Variants in PLSCR1 observed in about 807,000 individuals in gnomAD.
The protein encoded by PLSCR1 is PL scramblase 1.
PLSCR1 carries 17 observed loss-of-function variants against 37.8 expected under a neutral mutation model. The ratio of observed to expected loss-of-function variants is 0.45; its 90% CI spans 0.31 to 0.68. The LOEUF is 0.68. Among genes scored for constraint, PLSCR1 ranks in the 30% least tolerant of loss-of-function variants. The pLI is 0.06. For missense variants in PLSCR1, 347 were observed against 380.9 expected (o/e 0.91, Z 0.74); for synonymous variants, 116 against 125.9 (o/e 0.92, Z 0.53).
rs186201379 is a variant in PLSCR1 at position 146,515,859 on chromosome 3, A to G, written c.*186T>C. On this transcript the variant is annotated 3_prime_UTR_variant, in exon 9 of 9. Transcript: ENST00000342435. ...ATATGTCCTTTTTCTCAAATTGACA[A>G]TGAGTATTAAAAAATGTACAAAAAC... The G allele has an allele frequency of 7.6e-4, 319 of 418,088 alleles. No individual in the cohort carries two copies. The highest frequency in any genetic ancestry group is 6.5e-4 in the Non-Finnish European group (154 of 235,250). 25.9% of individuals were successfully genotyped at this position (418,088 alleles called of 1,614,324 possible).
At chr3:146,537,171 A>G (rs974444046) in intron 1 of PLSCR1, among the ~76,000 whole-genome samples, 26 of 151,946 alleles carry the variant, frequency 1.7e-4, no homozygotes, top group Non-Finnish European at 2.9e-4. Context: ...TCACAGCCAT[A>G]GCACCTTGAC....
At chr3:146,516,943 G>T in intron 8 of PLSCR1, 63 bp downstream of exon 8, 1 of 1,011,898 alleles carries the variant, frequency 9.9e-7, no homozygotes. Context: ...ACACTTTACT[G>T]AATCATTTCA....
intron 3 of PLSCR1, 110 bp from the exon 4 acceptor site, chr3:146,528,941 G>T: frequency 2.8e-6 from 2 of 718,800 alleles, no homozygotes; most frequent in South Asian, 1.9e-5. Flanking sequence ...GTAGACATCT[G>T]TATCTGTGAT....
At chr3:146,518,348 G>A (rs1225246708) in intron 7 of PLSCR1, among the ~76,000 whole-genome samples, 4 of 107,486 alleles carry the variant, frequency 3.7e-5, no homozygotes, top group Non-Finnish European at 6.5e-5. Flanking sequence ...GTTAACATGC[G>A]CCTAAGTCAG....
chr3:146,541,933 ATGGGATGAT>A (rs1242762403), intron 1 of PLSCR1, among the ~76,000 whole-genome samples: 1 of 152,128 alleles, frequency 6.6e-6, no homozygotes, highest in Non-Finnish European at 1.5e-5. Context: ...ACTTTCCACC[ATGGGATGAT>A]GCAGTAAGAA....
At chr3:146,519,737 G>A (rs1414208841) in intron 7 of PLSCR1, among the ~76,000 whole-genome samples, 3 of 152,042 alleles carry the variant, frequency 2.0e-5, no homozygotes, top group Non-Finnish European at 4.4e-5. Context: ...ATGTGTATTA[G>A]TATTTGATAC....
At chr3:146,517,280 A>G in intron 7 of PLSCR1, 113 bp from the exon 8 acceptor site, 1 of 510,064 alleles carries the variant, frequency 2.0e-6, no homozygotes, top group Non-Finnish European at 3.3e-6. Context: ...ACCATATGTA[A>G]CCCTCATTAG....
chr3:146,540,940 G>C (rs2044330498), intron 1 of PLSCR1: 1 of 152,080 alleles, frequency 6.6e-6, no homozygotes, highest in Non-Finnish European at 1.5e-5. Flanking sequence ...AAAATGTTTA[G>C]TTAACATCTA....
intron 3 of PLSCR1, among the ~76,000 whole-genome samples, chr3:146,530,247 A>C (rs1049464349): frequency 2.0e-5 from 3 of 152,262 alleles, no homozygotes; most frequent in African/African-American, 7.2e-5. Flanking sequence ...TTTTAAATGG[A>C]TCATTTATGA....
intron 7 of PLSCR1, among the ~76,000 whole-genome samples, chr3:146,520,692 AC>A (rs1431152917): frequency 6.6e-6 from 1 of 152,136 alleles, no homozygotes; most frequent in African/African-American, 2.4e-5. Context: ...TAAATGAATG[AC>A]ACTGGATATT....
chr3:146,532,817 C>A (rs2044217168), intron 3 of PLSCR1, among the ~76,000 whole-genome samples: 1 of 152,086 alleles, frequency 6.6e-6, no homozygotes, highest in Admixed American at 6.5e-5. Context: ...ATGAAAATCT[C>A]TGAATTCTTT....
At chr3:146,543,182 A>T (rs180690800) in intron 1 of PLSCR1, among the ~76,000 whole-genome samples, 12 of 152,248 alleles carry the variant, frequency 7.9e-5, no homozygotes, top group Admixed American at 7.8e-4. Flanking sequence ...GAGGTTACAG[A>T]GCAAAAGAGG....
intron 7 of PLSCR1, among the ~76,000 whole-genome samples, chr3:146,519,463 T>C (rs1266189269): frequency 6.6e-6 from 1 of 152,000 alleles, no homozygotes; most frequent in Non-Finnish European, 1.5e-5. Context: ...TGGCCATATT[T>C]TTTCCCCCTA....
intron 5 of PLSCR1, among the ~76,000 whole-genome samples, chr3:146,522,255 T>A (rs2044033858): frequency 6.6e-6 from 1 of 152,062 alleles, no homozygotes; most frequent in South Asian, 2.1e-4. Context: ...AGAAATTAAG[T>A]CCTTATGCCG....
At chr3:146,534,408 A>G (rs933089509) in intron 2 of PLSCR1, among the ~76,000 whole-genome samples, 1 of 152,160 alleles carries the variant, frequency 6.6e-6, no homozygotes, top group African/African-American at 2.4e-5. Context: ...CTTTTGTTTT[A>G]GAATCATGGA....
intron 5 of PLSCR1, among the ~76,000 whole-genome samples, chr3:146,524,202 C>T (rs2044073278): frequency 1.3e-5 from 2 of 152,140 alleles, no homozygotes; most frequent in Admixed American, 6.5e-5. Context: ...TCTCAAAAAT[C>T]TCCAGCTTAT....
At chr3:146,524,879 C>A (rs2044084773) in intron 5 of PLSCR1, among the ~76,000 whole-genome samples, 1 of 152,148 alleles carries the variant, frequency 6.6e-6, no homozygotes, top group Non-Finnish European at 1.5e-5. Flanking sequence ...AGACATATTC[C>A]TAAAAACTGG....
chr3:146,535,505 CT>C lies in PLSCR1; in HGVS notation c.13+1034del, dbSNP rs377022390. ...AGTCTATCACATTGTCTTAAAGGTACTTTTTTTTATGTCTACATGTATGTAT... is the reference window on the plus strand; with the variant it reads ...AGTCTATCACATTGTCTTAAAGGTACTTTTTTTATGTCTACATGTATGTAT... On this transcript the variant is annotated intron_variant, in intron 2 of 8. Transcript: ENST00000342435. Among the ~76,000 whole-genome samples the C allele has an allele frequency of 5.4e-3, 827 of 152,106 alleles. 10 individuals are homozygous for C. Among genetic ancestry groups the C allele is most frequent in the African/African-American group, 0.019 (774 of 41,494 alleles).
At chr3:146,543,890 G>A (rs1012520272) in intron 1 of PLSCR1, among the ~76,000 whole-genome samples, 13 of 152,176 alleles carry the variant, frequency 8.5e-5, no homozygotes, top group African/African-American at 3.1e-4. Context: ...GAGCCTGACT[G>A]GAGCTAATGG....
Sources: allele counts gnomAD v4.1 joint callset (sites outside exome capture counted in the v4.1 genomes callset), GRCh38; gene constraint gnomAD v4.1.1; transcripts MANE v1.5; gene names NCBI Gene and HGNC (gene_info 2026-07-23, HGNC 2026-07-21).